The following KDELR1 variants were observed in gnomAD, a reference collection of about 807,000 sequenced individuals.
The protein encoded by KDELR1 is ER lumen protein-retaining receptor 1.
Under a neutral mutation model 25.5 loss-of-function variants are expected in KDELR1, and 16 were observed. The observed-to-expected ratio is 0.63, with a 90% CI of 0.43 to 0.95. The LOEUF (loss-of-function observed/expected upper bound fraction) is 0.95, where lower values mean the gene tolerates loss of function less well. KDELR1 is among the 40% of genes least tolerant of loss of function. The probability of loss-of-function intolerance (pLI) is 0.00; values close to 1 mark genes in which losing one functional copy is unlikely to be tolerated. For missense variants in KDELR1, 159 were observed against 265.2 expected (o/e 0.60, Z 2.78); for synonymous variants, 121 against 115.0 (o/e 1.05, Z -0.33).
chr19:48,386,748 A>C (rs574864907), intron 3 of KDELR1, among the ~76,000 whole-genome samples: 1 of 152,048 alleles, frequency 6.6e-6, no homozygotes, highest in African/African-American at 2.4e-5. Flanking sequence ...CACTGCGCCC[A>C]GCCTGATGTC....
chr19:48,391,712 G>A (rs1399495435), upstream of KDELR1, among the ~76,000 whole-genome samples: 2 of 152,112 alleles, frequency 1.3e-5, no homozygotes, highest in Non-Finnish European at 2.9e-5. Context: ...AGGGTCGCAG[G>A]GTTCGGAAAG....
At chr19:48,387,677 T>C (rs1970507274) in intron 3 of KDELR1, 3 of 137,368 alleles carry the variant, frequency 2.2e-5, no homozygotes, top group African/African-American at 2.8e-5. Context: ...TGAGAGTCCA[T>C]CTCAAAAAAG....
Position 48,384,245 on chromosome 19 carries a change from G to A in KDELR1, c.589C>T (p.Leu197Phe). 6.2e-7 allele frequency: 1 copy of A among 1,614,188 alleles called. No homozygotes were observed. The highest frequency in any genetic ancestry group is 8.5e-7 in the Non-Finnish European group (1 of 1,180,038). ...TTCCAGCTACCTTTGGTGATATAGA[G>A]GTAGAAGAAATCGCAGTAGAGGACT... is the stretch of plus-strand genomic sequence containing the variant. The part of the protein sequence containing the change: ...QTVLYCDFFY[L>F]YITKVLKGKK... Residue 197 changes from leucine to phenylalanine, a missense_variant, in exon 4 of 5, where the codon CTC becomes TTC. Leu to Phe is a conservative substitution (Grantham distance 22, BLOSUM62 0). Coordinates refer to ENST00000330720, the MANE Select transcript of KDELR1 (RefSeq NM_006801.3). The surrounding 1 kb of genome is among the most constrained non-coding windows in gnomAD (Gnocchi z 4.6).
intron 3 of KDELR1, among the ~76,000 whole-genome samples, chr19:48,385,123 G>C (rs949758481): frequency 6.6e-6 from 1 of 152,176 alleles, no homozygotes; most frequent in East Asian, 1.9e-4. Flanking sequence ...CTGACCTCAG[G>C]TGGTCTGCCT....
Position 48,384,934 on chromosome 19 carries a change from T to C in KDELR1, c.352-452A>G, listed in dbSNP as rs58395972. ...TGGAGTATCACTCTGTCACCCAGGC[T>C]GGAGTGCCATGGGGTGATCTCGGCT... On this transcript the variant is annotated intron_variant, in intron 3 of 4. Coordinates refer to ENST00000330720, the MANE Select transcript of KDELR1 (RefSeq NM_006801.3). The surrounding 1 kb of genome is among the most constrained non-coding windows in gnomAD (Gnocchi z 4.6). 6.2e-3 allele frequency among the ~76,000 whole-genome samples: 938 copies of C among 150,538 alleles called. 25 individuals are homozygous for C. Among genetic ancestry groups the C allele is most frequent in the East Asian group, 0.039 (197 of 5,092 alleles).
chr19:48,397,256 T>C, the KDELR1 span, among the ~76,000 whole-genome samples: 1 of 152,026 alleles, frequency 6.6e-6, no homozygotes, highest in Admixed American at 6.6e-5. Context: ...TGTGGGGATT[T>C]TCTCTCCTTG....
At chr19:48,386,172 G>T (rs1388624373) in intron 3 of KDELR1, among the ~76,000 whole-genome samples, 2 of 149,510 alleles carry the variant, frequency 1.3e-5, no homozygotes, top group Non-Finnish European at 3.0e-5. Context: ...GGAGTGCAGT[G>T]GCGCGATCTC....
At chr19:48,387,942 GTT>G (rs1050563335) in intron 3 of KDELR1, 3 of 152,222 alleles carry the variant, frequency 2.0e-5, no homozygotes, top group African/African-American at 4.8e-5. Context: ...CCTCCCAGGA[GTT>G]TGTACAGGTC....
upstream of KDELR1, among the ~76,000 whole-genome samples, chr19:48,395,949 A>G (rs923253782): frequency 1.3e-5 from 2 of 151,172 alleles, no homozygotes; most frequent in African/African-American, 4.9e-5. Context: ...GTCCTGGGAA[A>G]GAACAGGACC....
rs1886615450 is a variant in KDELR1 at position 48,384,285 on chromosome 19, T to G, written c.549A>C (p.Ala183=). Residue 183 remains alanine, a synonymous_variant, in exon 4 of 5, where the codon GCA becomes GCC. Transcript: ENST00000330720. This position sits in a 1 kb window ranked among gnomAD's most constrained non-coding sequence, Gnocchi z 4.6. ...AGTAGAGGACTGTCTGGACCAGGCC[T>G]GCCACAATGGCGATGAGGTCGAAGA... The part of the protein sequence containing the change: ...EGFFDLIAIV[A]GLVQTVLYCD... 6.2e-7 allele frequency: 1 copy of G among 1,614,126 alleles called. No homozygotes were observed. The highest frequency in any genetic ancestry group is 8.5e-7 in the Non-Finnish European group (1 of 1,180,046).
chr19:48,392,960 A>C (rs1029676239), upstream of KDELR1, among the ~76,000 whole-genome samples: 1 of 152,168 alleles, frequency 6.6e-6, no homozygotes, highest in Admixed American at 6.5e-5. Context: ...CTATGAGGGG[A>C]CAGACGTGGC....
At chr19:48,393,349 GA>G, upstream of KDELR1, among the ~76,000 whole-genome samples, 1 of 152,254 alleles carries the variant, frequency 6.6e-6, no homozygotes, top group South Asian at 2.1e-4. The surrounding 1 kb of genome is among the most constrained non-coding windows in gnomAD (Gnocchi z 5.6). Context: ...TGAAGTCAGG[GA>G]AAGGCCTCCT....
intron 3 of KDELR1, 88 bp downstream of exon 3, chr19:48,389,465 G>T (rs1344921531): frequency 1.3e-6 from 2 of 1,510,074 alleles, no homozygotes; most frequent in Non-Finnish European, 1.8e-6. Flanking sequence ...GGCACACCCT[G>T]CAGAAGGAAG....
intron 3 of KDELR1, among the ~76,000 whole-genome samples, chr19:48,386,119 T>C (rs1033925098): frequency 6.6e-5 from 10 of 151,810 alleles, no homozygotes; most frequent in Non-Finnish European, 1.0e-4. Context: ...GCTTTTTTTT[T>C]TTTTTTTTCC....
rs1438717767 is a variant in KDELR1 at position 48,383,293 on chromosome 19, C to T, written c.639G>A (p.Ter213=). The change falls in exon 5 of 5, where the codon TAG becomes TAA. Residue 213 remains the stop codon, a stop_retained_variant. Coordinates refer to ENST00000330720, the MANE Select transcript of KDELR1 (RefSeq NM_006801.3). ...AGGAGAGAGATGGAGAGGACCGGGG[C>T]TATGCCGGCAAACTCAACTTCTTCC... ...LKGKKLSLPA[*] 6.4e-7 allele frequency: 1 copy of T among 1,552,134 alleles called. No individual in the cohort carries two copies. Among genetic ancestry groups the T allele is most frequent in the Non-Finnish European group, 8.7e-7 (1 of 1,147,204 alleles).
At chr19:48,394,455 G>T (rs1283515324), upstream of KDELR1, among the ~76,000 whole-genome samples, 4 of 149,942 alleles carry the variant, frequency 2.7e-5, no homozygotes, top group Admixed American at 6.6e-5. This position sits in a 1 kb window ranked among gnomAD's most constrained non-coding sequence, Gnocchi z 5.1. Context: ...CGCTGGAAGG[G>T]GGGGTGGGGG....
chr19:48,389,145 C>T (rs1360102884), intron 3 of KDELR1, among the ~76,000 whole-genome samples: 2 of 152,066 alleles, frequency 1.3e-5, no homozygotes, highest in African/African-American at 4.8e-5. Context: ...TGATGTGCAC[C>T]TGTCTTCCCA....
Position 48,389,546 on chromosome 19 carries a change from C to G in KDELR1, c.351+7G>C. On this transcript the variant is annotated splice_region_variant and intron_variant, in intron 3 of 4. Transcript: ENST00000330720. The stretch of plus-strand genomic sequence containing the variant: ...CCCCAAATAAGGAGTCACAGCAAGG[C>G]GCCTACCTCCAGAGGGGTGAAGTCA... 2.5e-6 allele frequency: 4 copies of G among 1,613,910 alleles called. No individual in the cohort carries two copies. Among genetic ancestry groups the G allele is most frequent in the Non-Finnish European group, 3.4e-6 (4 of 1,179,916 alleles).
In KDELR1 at chr19:48,384,737, C is replaced by T. The variant is rs992641833; in HGVS notation, c.352-255G>A. Among the ~76,000 whole-genome samples, 2 of 152,056 alleles carry T rather than the reference C, an allele frequency of 1.3e-5. No homozygotes were observed. Among genetic ancestry groups the T allele is most frequent in the African/African-American group, 2.4e-5 (1 of 41,396 alleles). ...AACTGACACCAGAGAAGGTAAGATA[C>T]TCGCCCAAGACCATGTAGCCAGCAA... On this transcript the variant is annotated intron_variant, in intron 3 of 4. Coordinates refer to ENST00000330720, the MANE Select transcript of KDELR1 (RefSeq NM_006801.3). The surrounding 1 kb of genome is among the most constrained non-coding windows in gnomAD (Gnocchi z 4.6).
Sources: gnomAD v4.1 joint callset for allele counts (sites outside exome capture counted in the v4.1 genomes callset) on GRCh38, gnomAD v4.1.1 for gene constraint, Gnocchi (gnomAD v3.1) non-coding constraint, MANE v1.5 for transcripts, NCBI Gene and HGNC (gene_info 2026-07-23, HGNC 2026-07-21) for gene names.